The following CADM2 variants were observed in gnomAD, a reference collection of about 807,000 sequenced individuals.
CADM2 encodes the protein cell adhesion molecule 2.
A neutral mutation model predicts 49.8 loss-of-function variants in CADM2; 12 were observed. That is an observed-to-expected ratio of 0.24 (90% confidence interval 0.15 to 0.39). CADM2 has a LOEUF of 0.39. Among genes scored for constraint, CADM2 ranks in the 10% least tolerant of loss-of-function variants. The pLI, the probability that CADM2 is intolerant of heterozygous loss-of-function variation, is 1.00. For synonymous variants in CADM2, 214 were observed against 175.4 expected (o/e 1.22, Z -1.74); for missense variants, 378 against 492.3 (o/e 0.77, Z 2.20).
intron 1 of CADM2, among the ~76,000 whole-genome samples, chr3:85,328,891 G>A (rs2044829725): frequency 1.7e-5 from 2 of 117,638 alleles, no homozygotes; most frequent in Non-Finnish European, 3.4e-5. Flanking sequence ...GTTAAATCAT[G>A]TCTTCCCTCA....
rs565049078 is a variant in CADM2, at chr3:85,680,650, G to GT, written c.62-45868dup. Among the ~76,000 whole-genome samples, 667 of 152,224 alleles carry GT rather than the reference G, an allele frequency of 4.4e-3. 7 individuals carry two copies. Among genetic ancestry groups the GT allele is most frequent in the African/African-American group, 0.016 (646 of 41,550 alleles). ...AATATATACATACCCATAGAGAGAC[G>GT]TTTTATGATTATTTTAATAGAACTT... is the stretch of plus-strand genomic sequence containing the variant. On this transcript the variant is annotated intron_variant, in intron 1 of 9. Transcript: ENST00000383699.
At chr3:85,569,811 T>C (rs528572166) in intron 1 of CADM2, among the ~76,000 whole-genome samples, 18 of 152,112 alleles carry the variant, frequency 1.2e-4, no homozygotes, top group Middle Eastern at 6.8e-3. Context: ...AAAAACCTAA[T>C]CTGAGGCAGA....
At chr3:85,348,692 A>T (rs9852796) in intron 1 of CADM2, among the ~76,000 whole-genome samples, 1 of 152,176 alleles carries the variant, frequency 6.6e-6, no homozygotes, top group Admixed American at 6.5e-5. Context: ...AAATGTCTAT[A>T]TCCTAACAAA....
intron 1 of CADM2, among the ~76,000 whole-genome samples, chr3:85,215,686 T>C (rs2041909014): frequency 6.6e-6 from 1 of 152,148 alleles, no homozygotes; most frequent in African/African-American, 2.4e-5. Flanking sequence ...TTCAAGTTTA[T>C]GTAGGACTCC....
chr3:85,667,451 T>A (rs1308227120), intron 1 of CADM2, among the ~76,000 whole-genome samples: 1 of 152,020 alleles, frequency 6.6e-6, no homozygotes, highest in Non-Finnish European at 1.5e-5. Flanking sequence ...CTAACCACAT[T>A]TCCAGTGCTC....
chr3:85,397,430 T>G (rs1329480726), intron 1 of CADM2, among the ~76,000 whole-genome samples: 1 of 152,178 alleles, frequency 6.6e-6, no homozygotes, highest in South Asian at 2.1e-4. Flanking sequence ...CTTGTACACC[T>G]ATGTTCATAG....
At chr3:85,501,168 T>C (rs925626975) in intron 1 of CADM2, among the ~76,000 whole-genome samples, 2 of 152,188 alleles carry the variant, frequency 1.3e-5, no homozygotes, top group African/African-American at 4.8e-5. Context: ...ATCAAGCCTT[T>C]AATGATTTGG....
chr3:85,543,420 A>ATGTGTGTAGGGGTGTGTGTGTG (rs2061590667), intron 1 of CADM2, among the ~76,000 whole-genome samples: 1 of 129,584 alleles, frequency 7.7e-6, no homozygotes. Flanking sequence ...TGCCAAGCTA[A>ATGTGTGTAGGGGTGTGTGTGTG]TGTGTGTGTG....
At position 86,045,149 on chromosome 3, in the gene CADM2, T is replaced by A. The variant is rs141122747; in HGVS notation, c.971-20456T>A. ...GTGCAGCACACCAACATGGCACATA[T>A]ATACATGTGTAACTAACCTGCACAT... On this transcript the variant is annotated intron_variant, in intron 8 of 9. Transcript: ENST00000383699. 3.2e-3 allele frequency among the ~76,000 whole-genome samples: 482 copies of A among 152,052 alleles called. 3 individuals are homozygous for A. The highest frequency in any genetic ancestry group is 0.011 in the African/African-American group (472 of 41,460).
intron 1 of CADM2, among the ~76,000 whole-genome samples, chr3:85,694,685 C>T (rs1253709969): frequency 6.6e-6 from 1 of 152,174 alleles, no homozygotes. Context: ...ACCATCTATA[C>T]TCCAGACACA....
At chr3:85,168,216 T>C (rs1407486618) in intron 1 of CADM2, among the ~76,000 whole-genome samples, 1 of 152,028 alleles carries the variant, frequency 6.6e-6, no homozygotes, top group Non-Finnish European at 1.5e-5. Flanking sequence ...CAGCCATGCC[T>C]AGCTCATTTT....
intron 8 of CADM2, among the ~76,000 whole-genome samples, chr3:86,002,578 T>C (rs565329751): frequency 6.6e-6 from 1 of 152,164 alleles, no homozygotes; most frequent in Non-Finnish European, 1.5e-5. Context: ...AGTCTGCACA[T>C]CAGGCTTACC....
At chr3:86,014,102 C>A in intron 8 of CADM2, 1 of 1,288,670 alleles carries the variant, frequency 7.8e-7, no homozygotes, top group East Asian at 2.4e-5. Context: ...TGAAGGAAAT[C>A]TGCCATTTTC....
chr3:85,588,456 C>A (rs560294873), intron 1 of CADM2, among the ~76,000 whole-genome samples: 1 of 152,136 alleles, frequency 6.6e-6, no homozygotes, highest in Admixed American at 6.6e-5. Flanking sequence ...TAAGAGCCAG[C>A]AGATCTGCAT....
At chr3:85,733,097 G>T (rs1346110023) in intron 2 of CADM2, among the ~76,000 whole-genome samples, 7 of 152,222 alleles carry the variant, frequency 4.6e-5, no homozygotes, top group Middle Eastern at 3.4e-3. Flanking sequence ...AGGTAAATCT[G>T]GCATTTCTCA....
chr3:85,616,655 C>A (rs1323210089), intron 1 of CADM2, among the ~76,000 whole-genome samples: 1 of 152,046 alleles, frequency 6.6e-6, no homozygotes, highest in African/African-American at 2.4e-5. Flanking sequence ...AACACTGTCT[C>A]AAAATAGCAT....
At chr3:85,194,592 G>A (rs1178329750) in intron 1 of CADM2, among the ~76,000 whole-genome samples, 1 of 152,018 alleles carries the variant, frequency 6.6e-6, no homozygotes, top group Non-Finnish European at 1.5e-5. Context: ...CGTGAATAAA[G>A]AATAGAAATA....
At chr3:85,846,399 A>AT (rs1189864884) in intron 3 of CADM2, among the ~76,000 whole-genome samples, 2 of 151,914 alleles carry the variant, frequency 1.3e-5, no homozygotes, top group African/African-American at 2.4e-5. Context: ...GAAGAGGTAG[A>AT]TTTTTTTTGT....
intron 1 of CADM2, among the ~76,000 whole-genome samples, chr3:85,635,643 A>T (rs1313146901): frequency 6.6e-6 from 1 of 152,178 alleles, no homozygotes; most frequent in East Asian, 1.9e-4. Flanking sequence ...TAATGAACTA[A>T]TTTGTTATAT....
Sources: gnomAD v4.1 joint callset for allele counts (sites outside exome capture counted in the v4.1 genomes callset) on GRCh38, gnomAD v4.1.1 for gene constraint, MANE v1.5 for transcripts, NCBI Gene and HGNC (gene_info 2026-07-23, HGNC 2026-07-21) for gene names.